The following IDUA variants were observed in gnomAD, a reference collection of about 807,000 sequenced individuals.
IDUA encodes the protein iduronidase alpha-L-.
A neutral mutation model predicts 68.9 loss-of-function variants in IDUA; 65 were observed. The observed-to-expected ratio is 0.94, with a 90% CI of 0.77 to 1.16. The LOEUF (loss-of-function observed/expected upper bound fraction) is 1.16. Ranked by LOEUF, IDUA falls within the 50% of genes most tolerant of loss-of-function variation. The probability of loss-of-function intolerance (pLI) is 0.00; values close to 1 mark genes in which losing one functional copy is unlikely to be tolerated. For missense variants in IDUA, 1,046 were observed against 938.0 expected (o/e 1.12, Z -1.50); for synonymous variants, 529 against 433.6 (o/e 1.22, Z -2.73).
At chr4:988,544 G>C in intron 2 of IDUA, 1 of 1,274,184 alleles carries the variant, frequency 7.8e-7, no homozygotes, top group Non-Finnish European at 9.9e-7. Flanking sequence ...TGAGCGTCAG[G>C]TCAGGCCCAT....
chr4:987,620 C>T, intron 1 of IDUA, 189 bp from the exon 2 acceptor site: 1 of 1,442,916 alleles, frequency 6.9e-7, no homozygotes, highest in African/African-American at 1.4e-5. Context: ...CGTCTTACTG[C>T]TGCTGCCGTT....
chr4:999,337 T>C (rs962377398), intron 2 of IDUA, among the ~76,000 whole-genome samples: 1 of 152,212 alleles, frequency 6.6e-6, no homozygotes, highest in African/African-American at 2.4e-5. Flanking sequence ...TGGAGCCTCA[T>C]ATCCCATGAT....
chr4:1,002,486 G>A lies in IDUA; in HGVS notation c.1189+1G>A. 6.5e-7 allele frequency: 1 copy of A among 1,533,390 alleles called. No homozygotes were observed. Among genetic ancestry groups the A allele is most frequent in the Non-Finnish European group, 8.8e-7 (1 of 1,139,930 alleles). 95.0% of individuals were successfully genotyped at this position (1,533,390 alleles called of 1,614,324 possible). ...GCCATGGGGCTGCTGGCGCTGCTGGGTGAGCCGGGGCCGCTGGGGTGGGCC... is the reference window on the plus strand; with the variant it reads ...GCCATGGGGCTGCTGGCGCTGCTGGATGAGCCGGGGCCGCTGGGGTGGGCC... On this transcript the variant is annotated splice_donor_variant, in intron 8 of 13. Coordinates refer to ENST00000514224, the MANE Select transcript of IDUA (RefSeq NM_000203.5). LOFTEE classifies it high-confidence loss of function.
intron 2 of IDUA, chr4:990,074 T>G (rs781239436): frequency 1.9e-6 from 3 of 1,600,700 alleles, no homozygotes; most frequent in Non-Finnish European, 2.6e-6. Context: ...AGCGGCACCC[T>G]CAGGCGGTGT....
intron 2 of IDUA, among the ~76,000 whole-genome samples, chr4:993,886 C>T (rs905569012): frequency 1.6e-4 from 24 of 152,226 alleles, no homozygotes; most frequent in African/African-American, 4.6e-4. Context: ...TGTGTGCTCG[C>T]GTAAGCCCTG....
chr4:1,002,289 C>G lies in IDUA; in HGVS notation c.993C>G (p.Asn331Lys), dbSNP rs1318917960. Residue 331 changes from asparagine (N) to lysine (K), a missense_variant, in exon 8 of 14, where the codon AAC becomes AAG. Transcript: ENST00000514224. The stretch of plus-strand genomic sequence containing the variant: ...CGCAGGTCATCGCGCAGCATCAGAA[C>G]CTGCTACTGGCCAACACCACCTCCG... ...MVVKVIAQHQNLLLANTTSAF... is the reference protein window; with the variant it reads ...MVVKVIAQHQKLLLANTTSAF... 2 of 1,612,390 alleles carry G rather than the reference C, an allele frequency of 1.2e-6. No homozygotes were observed. The highest frequency in any genetic ancestry group is 1.7e-6 in the Non-Finnish European group (2 of 1,179,520).
rs1251180462 is a variant in IDUA at position 1,002,826 on chromosome 4, G to C, written c.1284G>C (p.Gln428His). 2.1e-6 allele frequency: 3 copies of C among 1,456,102 alleles called. No homozygotes were observed. Among genetic ancestry groups the C allele is most frequent in the Admixed American group, 2.6e-5 (1 of 38,974 alleles). 90.2% of individuals were successfully genotyped at this position (1,456,102 alleles called of 1,614,324 possible). ...TCCTGGCCAGCGCCCACCGCCCCCAGGGCCCGGCCGACGCCTGGCGCGCCG... is the reference window on the plus strand; with the variant it reads ...TCCTGGCCAGCGCCCACCGCCCCCACGGCCCGGCCGACGCCTGGCGCGCCG... ...VGVLASAHRP[Q>H]GPADAWRAAV... The change falls in exon 9 of 14, where the codon CAG (glutamine) becomes CAC (histidine). Residue 428 changes from glutamine to histidine, a missense_variant. Transcript: ENST00000514224.
intron 2 of IDUA, among the ~76,000 whole-genome samples, chr4:997,211 G>A (rs1428823563): frequency 1.3e-5 from 2 of 152,004 alleles, no homozygotes; most frequent in African/African-American, 2.4e-5. Context: ...AGGAGGCCCC[G>A]GCCCGCACCC....
intron 2 of IDUA, 94 bp downstream of exon 2, chr4:988,043 C>A: frequency 6.8e-7 from 1 of 1,481,024 alleles, no homozygotes; most frequent in Non-Finnish European, 9.0e-7. Flanking sequence ...ACCCCTTGTT[C>A]CCCCACCTCC....
Position 1,001,479 on chromosome 4 carries a change from C to T in IDUA, c.505C>T (p.Leu169=), listed in dbSNP as rs756471914. 1 of 1,613,078 alleles carries T rather than the reference C, an allele frequency of 6.2e-7. No individual in the cohort carries two copies. Among genetic ancestry groups the T allele is most frequent in the Admixed American group, 1.7e-5 (1 of 60,018 alleles). The change falls in exon 5 of 14, where the codon CTG becomes TTG. Residue 169 remains leucine (L), a synonymous_variant. Coordinates refer to ENST00000514224, the MANE Select transcript of IDUA (RefSeq NM_000203.5). The stretch of plus-strand genomic sequence containing the variant: ...AGGCTCCTCTGCAGGTAGGTACGGA[C>T]TGGCGCATGTTTCCAAGTGGAACTT... ...LARRYIGRYG[L]AHVSKWNFET...
intron 2 of IDUA, chr4:990,537 G>A (rs1714204957): frequency 7.9e-6 from 5 of 635,692 alleles, no homozygotes; most frequent in Non-Finnish European, 1.4e-5. Flanking sequence ...CTGGTTCCAC[G>A]CGTGCTCATG....
chr4:989,640 C>T lies in IDUA; in HGVS notation c.299+1691C>T, dbSNP rs1302423004. The stretch of plus-strand genomic sequence containing the variant: ...GCACGCTTCGCTGTAGGTCGTGGAA[C>T]AGCGGTGCCAGCGCCAGCAGCACCA... On this transcript the variant is annotated intron_variant, in intron 2 of 13. Coordinates refer to ENST00000514224, the MANE Select transcript of IDUA (RefSeq NM_000203.5). The T allele has an allele frequency of 3.5e-5, 56 of 1,593,022 alleles. No homozygotes were observed. The highest frequency in any genetic ancestry group is 8.8e-5 in the Admixed American group (5 of 56,938).
chr4:1,000,794 C>T (rs1715025451), intron 3 of IDUA, 88 bp from the exon 4 acceptor site: 18 of 1,476,644 alleles, frequency 1.2e-5, no homozygotes, highest in Non-Finnish European at 1.7e-5. Flanking sequence ...GATGTCCATT[C>T]AGGGCTGGCC....
In IDUA at chr4:1,002,155, G is replaced by A. The variant is rs1329033201; in HGVS notation, c.966G>A (p.Val322=). 6.4e-7 allele frequency: 1 copy of A among 1,557,058 alleles called. No individual in the cohort carries two copies. The highest frequency in any genetic ancestry group is 8.7e-7 in the Non-Finnish European group (1 of 1,150,758). ...CGGACGTGACCTACGCGGCCATGGTGGTGAAGGTGGGCCGGCCCAACGCCC... is the reference window on the plus strand; with the variant it reads ...CGGACGTGACCTACGCGGCCATGGTAGTGAAGGTGGGCCGGCCCAACGCCC... ...WRADVTYAAM[V]VKVIAQHQNL... The change falls in exon 7 of 14, where the codon GTG becomes GTA. Residue 322 remains valine (V), a synonymous_variant. Coordinates refer to ENST00000514224, the MANE Select transcript of IDUA (RefSeq NM_000203.5).
chr4:1,003,231 T>A (rs894614750), intron 10 of IDUA, 74 bp downstream of exon 10: 21 of 1,206,060 alleles, frequency 1.7e-5, no homozygotes, highest in Middle Eastern at 3.1e-4. Context: ...GGGCGGGGGC[T>A]CCGAGGCGGT....
chr4:1,003,696 ATGC>A (rs1433714802), intron 12 of IDUA, 71 bp downstream of exon 12: 1 of 1,548,664 alleles, frequency 6.5e-7, no homozygotes, highest in African/African-American at 1.4e-5. Context: ...CCCTTCACCC[ATGC>A]GGTCACTCGG....
At chr4:988,634 T>G in intron 2 of IDUA, 1 of 1,377,732 alleles carries the variant, frequency 7.3e-7, no homozygotes, top group Non-Finnish European at 9.3e-7. Flanking sequence ...AGGTTCTTGA[T>G]TTCTGAGTGT....
At position 1,002,746 on chromosome 4, in the gene IDUA, T is replaced by C; in HGVS notation, c.1204T>C (p.Trp402Arg). The C allele has an allele frequency of 2.0e-6, 3 of 1,476,084 alleles. No individual in the cohort carries two copies. Among genetic ancestry groups the C allele is most frequent in the Middle Eastern group, 2.4e-4 (1 of 4,192 alleles). The allele number at this position is 1,476,084 out of a possible 1,614,324, so 91.4% of individuals were successfully genotyped here. Residue 402 changes from tryptophan to arginine, a missense_variant, in exon 9 of 14, where the codon TGG becomes CGG. Transcript: ENST00000514224. ...LLALLDEEQL[W>R]AEVSQAGTVL... ...CCGCCCCGCAGATGAGGAGCAGCTCTGGGCCGAAGTGTCGCAGGCCGGGAC... is the reference window on the plus strand; with the variant it reads ...CCGCCCCGCAGATGAGGAGCAGCTCCGGGCCGAAGTGTCGCAGGCCGGGAC...
In IDUA at chr4:1,003,179, G is replaced by T. The variant is rs766962589; in HGVS notation, c.1524+22G>T. On this transcript the variant is annotated intron_variant, in intron 10 of 13. Coordinates refer to ENST00000514224, the MANE Select transcript of IDUA (RefSeq NM_000203.5). The stretch of plus-strand genomic sequence containing the variant: ...TGAGGTAGGTGGGCCGCGGAGGGGC[G>T]AGGGGCCGGGCCGGGCCGGGGTCCC... 11 of 1,331,704 alleles carry T rather than the reference G, an allele frequency of 8.3e-6. No individual in the cohort carries two copies. In the African/African-American group the frequency reaches 1.5e-4, roughly 19 times the overall value. 82.5% of individuals were successfully genotyped at this position (1,331,704 alleles called of 1,614,324 possible).
Sources: gnomAD v4.1 joint callset for allele counts (sites outside exome capture counted in the v4.1 genomes callset) on GRCh38, gnomAD v4.1.1 for gene constraint, MANE v1.5 for transcripts, NCBI Gene and HGNC (gene_info 2026-07-23, HGNC 2026-07-21) for gene names.